The following TADA2A variants were observed in gnomAD, a reference collection of about 807,000 sequenced individuals.
The protein encoded by TADA2A is transcriptional adaptor 2A, also known as transcriptional adapter 2-alpha.
In TADA2A, 38 loss-of-function variants were observed where a neutral mutation model predicts 67.4. The ratio of observed to expected loss-of-function variants is 0.56; its 90% CI spans 0.44 to 0.74. The LOEUF is 0.74. TADA2A is among the 30% of genes least tolerant of loss of function. TADA2A has a pLI of 0.00. For synonymous variants in TADA2A, 192 were observed against 181.6 expected (o/e 1.06, Z -0.46); for missense variants, 454 against 547.0 (o/e 0.83, Z 1.70).
chr17:37,455,474 C>T lies in TADA2A; in HGVS notation c.605-3050C>T, dbSNP rs1047930132. ...TCGGTTCACTGCAAGCTCTGCCTCC[C>T]GGGTTCAGGCCATTCTGCTGCCTCA... is the stretch of plus-strand genomic sequence containing the variant. On this transcript the variant is annotated intron_variant, in intron 8 of 15. Coordinates refer to ENST00000615182, the MANE Select transcript of TADA2A (RefSeq NM_001166105.3). Among the ~76,000 whole-genome samples the T allele has an allele frequency of 5.9e-5, 9 of 151,948 alleles. 1 individual carries two copies. The highest frequency in any genetic ancestry group is 5.3e-4 in the Admixed American group (8 of 15,236).
chr17:37,476,737 C>T (rs2053899715), intron 15 of TADA2A, 60 bp from the exon 16 acceptor site: 1 of 1,558,518 alleles, frequency 6.4e-7, no homozygotes, highest in Non-Finnish European at 8.7e-7. Context: ...GCTATACCTG[C>T]TGGATTAAAT....
Position 37,427,143 on chromosome 17 carries a change from T to TA in TADA2A, c.192+135dup, listed in dbSNP as rs2052434851. The TA allele has an allele frequency of 9.3e-6, 6 of 647,270 alleles. No individual in the cohort carries two copies. In the East Asian group the frequency reaches 2.0e-4, roughly 21 times the overall value. 40.1% of individuals were successfully genotyped at this position (647,270 alleles called of 1,614,324 possible). A position where few individuals can be genotyped will look rare whatever the true frequency, so the allele number is the denominator to read the frequency against. Reference sequence around the variant, plus strand: ...AGTTTTCTTAATCTCTGAGTATCTTTACCTTTTCTCCCCTTCGGAAATAGG... The same window carrying TA: ...AGTTTTCTTAATCTCTGAGTATCTTTAACCTTTTCTCCCCTTCGGAAATAGG... On this transcript the variant is annotated intron_variant, in intron 4 of 15. Transcript: ENST00000615182.
chr17:37,434,621 G>A (rs938838636), intron 4 of TADA2A, among the ~76,000 whole-genome samples: 30 of 152,258 alleles, frequency 2.0e-4, no homozygotes, highest in African/African-American at 6.7e-4. Flanking sequence ...CCATTGTCTG[G>A]ATCTGCTAAT....
intron 1 of TADA2A, among the ~76,000 whole-genome samples, chr17:37,407,726 C>T (rs78617672): frequency 4.6e-5 from 7 of 152,008 alleles, no homozygotes; most frequent in African/African-American, 1.7e-4. Flanking sequence ...GATTCTCGTG[C>T]CTGAGGCGTG....
intron 2 of TADA2A, among the ~76,000 whole-genome samples, chr17:37,422,337 C>T (rs2052264159): frequency 6.6e-6 from 1 of 151,216 alleles, no homozygotes; most frequent in African/African-American, 2.4e-5. Context: ...AGCCACCGTG[C>T]CCAGCCAATT....
intron 9 of TADA2A, among the ~76,000 whole-genome samples, chr17:37,460,265 T>C (rs1261583096): frequency 2.6e-5 from 4 of 151,474 alleles, no homozygotes; most frequent in African/African-American, 7.3e-5. Flanking sequence ...TTATTACTTT[T>C]GAGATGGTCT....
intron 2 of TADA2A, among the ~76,000 whole-genome samples, chr17:37,411,867 T>A (rs1021516935): frequency 6.6e-6 from 1 of 152,022 alleles, no homozygotes; most frequent in African/African-American, 2.4e-5. Flanking sequence ...TTAATACATA[T>A]TGATTACCCA....
intron 2 of TADA2A, among the ~76,000 whole-genome samples, chr17:37,419,521 G>C (rs2147916215): frequency 6.8e-6 from 1 of 146,658 alleles, no homozygotes; most frequent in East Asian, 2.2e-4. Flanking sequence ...CTTTGGGCCT[G>C]CAATCCTAGC....
chr17:37,409,088 TTTA>T (rs1282165116), intron 1 of TADA2A, among the ~76,000 whole-genome samples: 2 of 152,096 alleles, frequency 1.3e-5, no homozygotes, highest in Non-Finnish European at 2.9e-5. Context: ...CTTTCACTTA[TTTA>T]TTATTTATTT....
At chr17:37,437,615 G>C in intron 4 of TADA2A, 123 bp from the exon 5 acceptor site, 1 of 751,838 alleles carries the variant, frequency 1.3e-6, no homozygotes, top group Non-Finnish European at 2.2e-6. Context: ...TCGAACTCCT[G>C]ACCTCAGGTG....
At chr17:37,451,205 A>C (rs1449929311) in intron 8 of TADA2A, among the ~76,000 whole-genome samples, 1 of 152,046 alleles carries the variant, frequency 6.6e-6, no homozygotes, top group African/African-American at 2.4e-5. Flanking sequence ...TTTATAAAAA[A>C]AATTTTTGTA....
intron 2 of TADA2A, among the ~76,000 whole-genome samples, chr17:37,414,586 A>G (rs1032208881): frequency 6.6e-5 from 10 of 152,214 alleles, no homozygotes; most frequent in African/African-American, 2.2e-4. Flanking sequence ...TGCTATATAC[A>G]TATATGCCAG....
intron 8 of TADA2A, 38 bp from the exon 9 acceptor site, chr17:37,458,486 G>C: frequency 7.9e-7 from 1 of 1,268,062 alleles, no homozygotes; most frequent in Non-Finnish European, 1.1e-6. Flanking sequence ...ATATATATAT[G>C]ATATGTATAT....
Position 37,477,965 on chromosome 17 carries a change from A to G in TADA2A, c.*983A>G, listed in dbSNP as rs2053922944. Reference sequence around the variant, plus strand: ...TGAAACAGTCTCTACTAAAAATACAAAAATTAGCTGAGTGTGGTGGCACAC... The same window carrying G: ...TGAAACAGTCTCTACTAAAAATACAGAAATTAGCTGAGTGTGGTGGCACAC... On this transcript the variant is annotated 3_prime_UTR_variant, in exon 16 of 16. Transcript: ENST00000615182. 1 of 151,928 alleles carries G rather than the reference A, an allele frequency of 6.6e-6. No homozygotes were observed. The highest frequency in any genetic ancestry group is 2.1e-4 in the South Asian group (1 of 4,814). The allele number at this position is 151,928 out of a possible 1,614,324, so 9.4% of individuals were successfully genotyped here. A position where few individuals can be genotyped will look rare whatever the true frequency, so the allele number is the denominator to read the frequency against.
intron 6 of TADA2A, among the ~76,000 whole-genome samples, chr17:37,441,233 T>C (rs1043449598): frequency 6.6e-6 from 1 of 152,168 alleles, no homozygotes; most frequent in Non-Finnish European, 1.5e-5. Flanking sequence ...TTTGAACATA[T>C]CAGTTAACTT....
intron 11 of TADA2A, 57 bp from the exon 12 acceptor site, chr17:37,467,397 C>A: frequency 7.0e-7 from 1 of 1,427,478 alleles, no homozygotes; most frequent in Non-Finnish European, 9.8e-7. Context: ...CAAAAGTGCT[C>A]ACTAATGTTG....
At chr17:37,453,014 A>G (rs2148001037) in intron 8 of TADA2A, among the ~76,000 whole-genome samples, 1 of 152,334 alleles carries the variant, frequency 6.6e-6, no homozygotes, top group South Asian at 2.1e-4. Flanking sequence ...GGTTATTTTT[A>G]TCTCAGACCC....
intron 9 of TADA2A, among the ~76,000 whole-genome samples, chr17:37,460,368 C>T (rs1700878906): frequency 6.6e-6 from 1 of 152,094 alleles, no homozygotes; most frequent in African/African-American, 2.4e-5. Context: ...GCCTCAGCCT[C>T]CCAAGAAGCT....
intron 8 of TADA2A, among the ~76,000 whole-genome samples, chr17:37,450,120 G>C (rs1206705643): frequency 2.6e-5 from 4 of 152,134 alleles, no homozygotes; most frequent in African/African-American, 9.7e-5. Flanking sequence ...AAAAGTTTAC[G>C]AATTTGTATT....
Sources: gnomAD v4.1 joint callset for allele counts (sites outside exome capture counted in the v4.1 genomes callset) on GRCh38, gnomAD v4.1.1 for gene constraint, MANE v1.5 for transcripts, NCBI Gene and HGNC (gene_info 2026-07-23, HGNC 2026-07-21) for gene names.